The following MAP7D3 variants were observed in gnomAD, a reference collection of about 807,000 sequenced individuals.
The protein encoded by MAP7D3 is MAP7 domain containing 3.
A neutral mutation model predicts 62.2 loss-of-function variants in MAP7D3; 45 were observed. The observed-to-expected ratio is 0.72, with a 90% CI of 0.57 to 0.93. The LOEUF (loss-of-function observed/expected upper bound fraction) is 0.93. Among genes scored for constraint, MAP7D3 ranks in the 40% least tolerant of loss-of-function variants. The pLI, the probability that MAP7D3 is intolerant of heterozygous loss-of-function variation, is 0.00. For synonymous variants in MAP7D3, 288 were observed against 248.8 expected, an observed-to-expected ratio of 1.16 and a Z score of -1.48; for missense variants, 711 against 683.1, an observed-to-expected ratio of 1.04 and a Z score of -0.45.
At position 136,222,399 on chromosome X, in the gene MAP7D3, G is replaced by A; in HGVS notation, c.2281C>T (p.Pro761Ser). 1 of 1,204,285 alleles carries A rather than the reference G, an allele frequency of 8.3e-7. No individual in the cohort carries two copies. The highest frequency in any genetic ancestry group is 3.0e-5 in the East Asian group (1 of 33,812). ...CTCCTAAATGGTGACTAACCTGATGGAAACATTTCATTCAATGAGTCCTTG... is the reference window on the plus strand; with the variant it reads ...CTCCTAAATGGTGACTAACCTGATGAAAACATTTCATTCAATGAGTCCTTG... ...SDKDSLNEMF[P>S]SAILNGTGSP... is the part of the protein sequence containing the mutation. The change falls in exon 15 of 19, where the codon CCA becomes TCA. Residue 761 changes from proline to serine, a missense_variant. Physicochemically the swap from Pro to Ser is moderately conservative, Grantham distance 74. Coordinates refer to ENST00000316077, the MANE Select transcript of MAP7D3 (RefSeq NM_024597.4).
At position 136,241,240 on chromosome X, in the gene MAP7D3, C is replaced by T. The variant is rs769200163; in HGVS notation, c.455G>A (p.Arg152Gln). The change falls in exon 5 of 19, where the codon CGG becomes CAG. Residue 152 changes from arginine to glutamine, a missense_variant. Arg to Gln is a conservative substitution (Grantham distance 43, BLOSUM62 1). Transcript: ENST00000316077. ...CTGATAATCATCAGCAAGTCTCCTCCGTTCCAAAGTACGATAAAGAATGGC... is the reference window on the plus strand; with the variant it reads ...CTGATAATCATCAGCAAGTCTCCTCTGTTCCAAAGTACGATAAAGAATGGC... ...FTAILYRTLE[R>Q]RRLADDYQQK... is the part of the protein sequence containing the mutation. 1.2e-4 allele frequency: 135 copies of T among 1,173,127 alleles called. No homozygotes were observed. The highest frequency in any genetic ancestry group is 1.5e-4 in the Non-Finnish European group (127 of 873,262).
upstream of MAP7D3, chrX:136,256,177 T>G: frequency 8.9e-6 from 10 of 1,123,557 alleles, no homozygotes; most frequent in Non-Finnish European, 1.2e-5. Flanking sequence ...CTGCATCTGT[T>G]GTAGCTTGAC....
At chrX:136,240,562 T>C (rs961493477) in intron 5 of MAP7D3, 76 bp from the exon 6 acceptor site, 2 of 674,320 alleles carry the variant, frequency 3.0e-6, no homozygotes, top group Admixed American at 2.4e-5. Flanking sequence ...AAAATGAGTT[T>C]TCATGATATA....
chrX:136,234,136 A>G (rs751788229), intron 7 of MAP7D3, among the ~76,000 whole-genome samples: 2 of 110,800 alleles, frequency 1.8e-5, no homozygotes, highest in East Asian at 5.6e-4. Flanking sequence ...CTAACAGAGA[A>G]AAAGCAAAGG....
At chrX:136,252,840 C>T (rs2074528766), upstream of MAP7D3, among the ~76,000 whole-genome samples, 1 of 110,836 alleles carries the variant, frequency 9.0e-6, no homozygotes, top group South Asian at 3.8e-4. Flanking sequence ...ACCTGTAATC[C>T]CAGCCCCAGC....
At chrX:136,215,554 A>G (rs185804304), downstream of MAP7D3, among the ~76,000 whole-genome samples, 12 of 111,942 alleles carry the variant, frequency 1.1e-4, no homozygotes, top group East Asian at 3.3e-3. Context: ...TAATTACTTC[A>G]TTATATATTA....
At chrX:136,252,562 A>G (rs1436491789), upstream of MAP7D3, among the ~76,000 whole-genome samples, 4 of 102,987 alleles carry the variant, frequency 3.9e-5, no homozygotes, top group African/African-American at 1.4e-4. Flanking sequence ...CTGTAATCCC[A>G]GCTACTTGGG....
rs760848432 is a variant in MAP7D3, at chrX:136,236,393, A to C, written c.641-54T>G. The C allele has an allele frequency of 1.9e-4, 131 of 700,249 alleles. No homozygotes were observed. In the South Asian group the frequency reaches 3.4e-3, roughly 18 times the overall value. 57.7% of individuals were successfully genotyped at this position (700,249 alleles called of 1,213,427 possible). The stretch of plus-strand genomic sequence containing the variant: ...GTTTTCATAAACTACTAATTATCTC[A>C]GGAGTGAGATACTCCTTTTTCAAAC... On this transcript the variant is annotated intron_variant, in intron 6 of 18. Transcript: ENST00000316077.
In MAP7D3 at chrX:136,228,294, C is replaced by T. The variant is rs184704500; in HGVS notation, c.1886+329G>A. Among the ~76,000 whole-genome samples the T allele has an allele frequency of 2.4e-3, 268 of 112,096 alleles. 1 individual carries two copies. The highest frequency in any genetic ancestry group is 8.3e-3 in the African/African-American group (256 of 30,887). ...AATAAAGGGCTGACACTAGTGAACA[C>T]GAACTGATCTGTTCTTATATACCAC... On this transcript the variant is annotated intron_variant, in intron 11 of 18. Transcript: ENST00000316077.
chrX:136,247,317 G>C (rs778667416), intron 1 of MAP7D3, among the ~76,000 whole-genome samples: 59 of 112,173 alleles, frequency 5.3e-4, no homozygotes, highest in African/African-American at 1.8e-3. Flanking sequence ...TCTTCAGAAA[G>C]AGTATTGAAA....
At chrX:136,240,965 C>T (rs1337014964) in intron 5 of MAP7D3, among the ~76,000 whole-genome samples, 195 bp downstream of exon 5, 1 of 111,847 alleles carries the variant, frequency 8.9e-6, no homozygotes, top group Non-Finnish European at 1.9e-5. Flanking sequence ...GTATATTGAG[C>T]TAAATAAAAT....
chrX:136,253,734 C>A (rs2074535907), upstream of MAP7D3, among the ~76,000 whole-genome samples: 1 of 111,954 alleles, frequency 8.9e-6, no homozygotes, highest in Admixed American at 9.4e-5. Flanking sequence ...CGCCTGTAAT[C>A]CCAGCACTTT....
At chrX:136,238,135 T>C (rs2074351072) in intron 6 of MAP7D3, among the ~76,000 whole-genome samples, 1 of 111,614 alleles carries the variant, frequency 9.0e-6, no homozygotes, top group Non-Finnish European at 1.9e-5. Flanking sequence ...TTGATGGACA[T>C]TTGGGTTGGT....
rs1430297765 is a variant in MAP7D3, at chrX:136,217,555, C to T, written c.*971G>A. The T allele has an allele frequency of 8.9e-6, 1 of 112,113 alleles. No homozygotes were observed. Among genetic ancestry groups the T allele is most frequent in the East Asian group, 2.8e-4 (1 of 3,596 alleles). The allele number at this position is 112,113 out of a possible 1,213,427, so 9.2% of individuals were successfully genotyped here. A position where few individuals can be genotyped will look rare whatever the true frequency, so the allele number is the denominator to read the frequency against. ...TTCAGGTTATTAGTGCCTGTGTACT[C>T]ACTGGCACAGATGGGTAGAGTTAAA... is the stretch of plus-strand genomic sequence containing the variant. On this transcript the variant is annotated 3_prime_UTR_variant, in exon 19 of 19. Transcript: ENST00000316077.
At chrX:136,227,197 T>C in intron 12 of MAP7D3, 87 bp downstream of exon 12, 1 of 816,530 alleles carries the variant, frequency 1.2e-6, no homozygotes. Flanking sequence ...ATGTCTTCTT[T>C]CTCAGAGACA....
downstream of MAP7D3, among the ~76,000 whole-genome samples, chrX:136,216,272 C>A (rs2074060686): frequency 2.9e-5 from 3 of 103,515 alleles, no homozygotes; most frequent in South Asian, 1.4e-3. Context: ...TGCCTGTAAT[C>A]CCAGCACTTT....
rs1295159253 is a variant in MAP7D3, at chrX:136,228,642, G to A, written c.1867C>T (p.Arg623Trp). Residue 623 changes from arginine to tryptophan, a missense_variant, in exon 11 of 19, where the codon CGG becomes TGG. Arg to Trp is a moderately radical substitution (Grantham distance 101). Transcript: ENST00000316077. Reference protein sequence around the residue: ...QREKEEEERQREEMQQRVIKK... With the variant: ...QREKEEEERQWEEMQQRVIKK... The stretch of plus-strand genomic sequence containing the variant: ...GCTGACCTTTGCTGCATTTCTTCCC[G>A]TTGTCTTTCTTCTTCCTCTTTTTCT... The A allele has an allele frequency of 2.9e-5, 35 of 1,205,355 alleles. No individual in the cohort carries two copies. Among genetic ancestry groups the A allele is most frequent in the South Asian group, 3.6e-5 (2 of 55,841 alleles).
At chrX:136,242,157 C>T (rs1449846750) in intron 4 of MAP7D3, among the ~76,000 whole-genome samples, 1 of 112,021 alleles carries the variant, frequency 8.9e-6, no homozygotes, top group Non-Finnish European at 1.9e-5. Flanking sequence ...AAAGCAACCG[C>T]AATTCTTAAA....
At chrX:136,251,430 G>A (rs1488233588), upstream of MAP7D3, 8 of 867,680 alleles carry the variant, frequency 9.2e-6, no homozygotes, top group Non-Finnish European at 1.1e-5. Flanking sequence ...CTCCGCTTGG[G>A]TCGTGGCCGG....
Sources: gnomAD v4.1 joint callset for allele counts (sites outside exome capture counted in the v4.1 genomes callset) on GRCh38, gnomAD v4.1.1 for gene constraint, MANE v1.5 for transcripts, NCBI Gene and HGNC (gene_info 2026-07-23, HGNC 2026-07-21) for gene names.